WWP1: variants seen among roughly 807,000 people sequenced by gnomAD.
WWP1 encodes the protein NEDD4-like E3 ubiquitin-protein ligase WWP1.
In WWP1, 49 loss-of-function variants were observed where a neutral mutation model predicts 130.6. The observed-to-expected ratio is 0.38, with a 90% CI of 0.30 to 0.48. The LOEUF (loss-of-function observed/expected upper bound fraction) is 0.48, where lower values mean the gene tolerates loss of function less well. Among genes scored for constraint, WWP1 ranks in the 20% least tolerant of loss-of-function variants. The pLI is 0.99. For missense variants in WWP1, 809 were observed against 1,100.6 expected, an observed-to-expected ratio of 0.74 and a Z score of 3.75; for synonymous variants, 332 against 367.8, an observed-to-expected ratio of 0.90 and a Z score of 1.11.
chr8:86,409,846 C>T (rs1404803356), intron 8 of WWP1, among the ~76,000 whole-genome samples: 11 of 151,520 alleles, frequency 7.3e-5, no homozygotes, highest in Non-Finnish European at 1.3e-4. Flanking sequence ...GGCCACAGAG[C>T]GAGACACCTT....
At chr8:86,369,830 C>T (rs996297938) in intron 2 of WWP1, among the ~76,000 whole-genome samples, 6 of 152,034 alleles carry the variant, frequency 3.9e-5, no homozygotes, top group African/African-American at 1.4e-4. Flanking sequence ...TCACAGGCCC[C>T]AGTAATTACA....
chr8:86,380,249 C>CA (rs975499505), intron 3 of WWP1, among the ~76,000 whole-genome samples: 8 of 150,854 alleles, frequency 5.3e-5, no homozygotes, highest in African/African-American at 7.3e-5. Flanking sequence ...AAGCCAGTCA[C>CA]AAAAAAAACC....
rs556921373 is a variant in WWP1, at chr8:86,450,185, T to C, written c.2273+1672T>C. On this transcript the variant is annotated intron_variant, in intron 20 of 24. Coordinates refer to ENST00000517970, the MANE Select transcript of WWP1 (RefSeq NM_007013.4). The stretch of plus-strand genomic sequence containing the variant: ...CCCCTTAGTGTCTCTGCTTACCAAC[T>C]TTAATGTACCCTTCTTAGCTTGGCA... 3.9e-5 allele frequency among the ~76,000 whole-genome samples: 6 copies of C among 152,318 alleles called. No individual in the cohort carries two copies. The East Asian group carries it at 1.2e-3, about 29-fold the overall frequency.
At chr8:86,350,949 A>G (rs537230697) in intron 1 of WWP1, among the ~76,000 whole-genome samples, 1 of 152,336 alleles carries the variant, frequency 6.6e-6, no homozygotes, top group Admixed American at 6.5e-5. Context: ...TTACCTTAGA[A>G]GTAAACAAAC....
At chr8:86,373,942 C>T in intron 2 of WWP1, 88 bp from the exon 3 acceptor site, 1 of 944,486 alleles carries the variant, frequency 1.1e-6, no homozygotes. Context: ...TTGAGAACTT[C>T]TTAGTTGATT....
At chr8:86,395,513 G>A (rs1254642659) in intron 5 of WWP1, among the ~76,000 whole-genome samples, 1 of 152,132 alleles carries the variant, frequency 6.6e-6, no homozygotes, top group Admixed American at 6.5e-5. Context: ...GAAAAGTCAT[G>A]CCTGGTGACC....
At chr8:86,381,467 C>G (rs758596820) in intron 4 of WWP1, 38 bp from the exon 5 acceptor site, 2 of 1,586,198 alleles carry the variant, frequency 1.3e-6, no homozygotes, top group South Asian at 1.2e-5. Flanking sequence ...ATGACAACGT[C>G]TACTCCTGTA....
rs182945390 is a variant in WWP1, at chr8:86,376,657, T to C, written c.70+2537T>C. On this transcript the variant is annotated intron_variant, in intron 3 of 24. Coordinates refer to ENST00000517970, the MANE Select transcript of WWP1 (RefSeq NM_007013.4). ...AAGAACATACTGAAAGACTATCAGG[T>C]GACTCAAATCTGGAGAACCAGTTGG... is the stretch of plus-strand genomic sequence containing the variant. Among the ~76,000 whole-genome samples the C allele has an allele frequency of 1.3e-3, 202 of 152,156 alleles. 2 individuals carry two copies. Among genetic ancestry groups the C allele is most frequent in the African/African-American group, 4.7e-3 (194 of 41,522 alleles).
In WWP1 at chr8:86,448,065, C is replaced by G. The variant is rs187209439; in HGVS notation, c.1999-83C>G. ...TGAATGCTTTGTTTACTTGTGAAGT[C>G]TCATGATTTTTCTTTTATCATTGTT... On this transcript the variant is annotated intron_variant, in intron 18 of 24. Coordinates refer to ENST00000517970, the MANE Select transcript of WWP1 (RefSeq NM_007013.4). 166 of 1,210,782 alleles carry G rather than the reference C, an allele frequency of 1.4e-4. 1 individual carries two copies. The African/African-American group carries it at 2.3e-3, about 17-fold the overall frequency. The allele number at this position is 1,210,782 out of a possible 1,614,324, so 75.0% of individuals were successfully genotyped here. A position where few individuals can be genotyped will look rare whatever the true frequency, so the allele number is the denominator to read the frequency against.
At chr8:86,380,605 A>G in intron 3 of WWP1, 121 bp from the exon 4 acceptor site, 1 of 1,137,980 alleles carries the variant, frequency 8.8e-7, no homozygotes, top group Non-Finnish European at 1.2e-6. Flanking sequence ...TTGTTTCTTC[A>G]TTCTGCCAAC....
chr8:86,424,195 A>G (rs1586423526), intron 9 of WWP1, among the ~76,000 whole-genome samples: 1 of 149,050 alleles, frequency 6.7e-6, no homozygotes. Context: ...GGCGCTCCTC[A>G]CATCCCAGAC....
chr8:86,461,361 G>T (rs746425861), intron 23 of WWP1, 41 bp downstream of exon 23: 3 of 1,547,682 alleles, frequency 1.9e-6, no homozygotes, highest in South Asian at 2.2e-5. Flanking sequence ...ACGTAATTTT[G>T]TGATAATAAT....
chr8:86,372,049 A>G (rs1316268575), intron 2 of WWP1, among the ~76,000 whole-genome samples: 24 of 77,068 alleles, frequency 3.1e-4, no homozygotes, highest in East Asian at 7.0e-4. Context: ...TTTGAGACGG[A>G]GTTTCGCTCT....
Position 86,427,935 on chromosome 8 carries a change from G to T in WWP1, c.1332+118G>T. On this transcript the variant is annotated intron_variant, in intron 11 of 24. Coordinates refer to ENST00000517970, the MANE Select transcript of WWP1 (RefSeq NM_007013.4). The stretch of plus-strand genomic sequence containing the variant: ...TCTATTTTGGTGATTTTCAGAAATG[G>T]TATAGACTGTGTTACAAGATATTTT... The T allele has an allele frequency of 8.8e-6, 8 of 904,200 alleles. 1 individual carries two copies. The highest frequency in any genetic ancestry group is 2.4e-4 in the Middle Eastern group (1 of 4,234). The allele number at this position is 904,200 out of a possible 1,614,324, so 56.0% of individuals were successfully genotyped here. A position where few individuals can be genotyped will look rare whatever the true frequency, so the allele number is the denominator to read the frequency against.
intron 7 of WWP1, among the ~76,000 whole-genome samples, chr8:86,400,572 A>G (rs1807918938): frequency 2.0e-5 from 3 of 152,184 alleles, no homozygotes; most frequent in Non-Finnish European, 4.4e-5. Context: ...TGTTCCAGAC[A>G]GAGGAAACAG....
At chr8:86,466,537 ATTT>A (rs369113098) in intron 24 of WWP1, among the ~76,000 whole-genome samples, 4 of 146,906 alleles carry the variant, frequency 2.7e-5, no homozygotes, top group Non-Finnish European at 4.5e-5. Context: ...AAGAAAATGG[ATTT>A]TTTTTTTTTT....
chr8:86,359,265 T>C (rs1823428802), intron 1 of WWP1, among the ~76,000 whole-genome samples: 1 of 152,148 alleles, frequency 6.6e-6, no homozygotes, highest in Admixed American at 6.5e-5. Context: ...AGTTTGATAA[T>C]AGTTGGAGTG....
Position 86,442,642 on chromosome 8 carries a change from A to C in WWP1, c.1862A>C (p.His621Pro). 2 of 1,601,052 alleles carry C rather than the reference A, an allele frequency of 1.2e-6. No individual in the cohort carries two copies. The highest frequency in any genetic ancestry group is 1.7e-6 in the Non-Finnish European group (2 of 1,175,918). Residue 621 changes from histidine (H) to proline (P), a missense_variant, in exon 18 of 25, where the codon CAT (histidine) becomes CCT (proline). By Grantham distance (77) the His-to-Pro change is moderately conservative. Around this residue, in one of 3 missense-constraint regions of WWP1, gnomAD observed 450 missense variants for 674.2 expected, o/e 0.67. Coordinates refer to ENST00000517970, the MANE Select transcript of WWP1 (RefSeq NM_007013.4). ...LAREWFFLLS[H>P]EVLNPMYCLF... ...AGAGAATGGTTTTTCTTGCTTTCAC[A>C]TGAAGTTTTGAACCCAATGTATTGC...
At chr8:86,410,488 G>C (rs1563506596) in intron 8 of WWP1, among the ~76,000 whole-genome samples, 1 of 151,892 alleles carries the variant, frequency 6.6e-6, no homozygotes, top group Non-Finnish European at 1.5e-5. Flanking sequence ...ATATTTCATG[G>C]TTTCTCCAGC....
Sources: allele counts gnomAD v4.1 joint callset (sites outside exome capture counted in the v4.1 genomes callset), GRCh38; gene constraint gnomAD v4.1.1; regional missense constraint gnomAD v4.1.1; transcripts MANE v1.5; gene names NCBI Gene and HGNC (gene_info 2026-07-23, HGNC 2026-07-21).